The following F13A1 variants were observed in gnomAD, a reference collection of about 807,000 sequenced individuals.
F13A1 encodes coagulation factor XIII A chain, also known as FSF, A subunit.
A neutral mutation model predicts 80.1 loss-of-function variants in F13A1; 47 were observed. The ratio of observed to expected loss-of-function variants is 0.59; its 90% CI spans 0.46 to 0.75. F13A1 has a LOEUF of 0.75. Among genes scored for constraint, F13A1 ranks in the 30% least tolerant of loss-of-function variants. F13A1 has a pLI of 0.00. For synonymous variants in F13A1, 349 were observed against 344.9 expected (o/e 1.01, Z -0.13); for missense variants, 817 against 930.4 (o/e 0.88, Z 1.59).
At chr6:6,276,601 A>G (rs1324211673) in intron 3 of F13A1, among the ~76,000 whole-genome samples, 4 of 152,202 alleles carry the variant, frequency 2.6e-5, no homozygotes, top group African/African-American at 9.7e-5. Context: ...CAGGTAACTT[A>G]AGTAACTAGC....
chr6:6,181,448 A>T (rs1481634048), intron 11 of F13A1, among the ~76,000 whole-genome samples: 1 of 152,146 alleles, frequency 6.6e-6, no homozygotes, highest in Non-Finnish European at 1.5e-5. Context: ...ACAAAAACCC[A>T]CCATGACATT....
chr6:6,161,908 A>T (rs1248702711), intron 13 of F13A1, among the ~76,000 whole-genome samples: 1 of 152,140 alleles, frequency 6.6e-6, no homozygotes, highest in Non-Finnish European at 1.5e-5. Context: ...GGATTCAGAC[A>T]TGTGAGCCCA....
At chr6:6,145,901 C>T in intron 14 of F13A1, 129 bp from the exon 15 acceptor site, 2 of 1,233,654 alleles carry the variant, frequency 1.6e-6, no homozygotes, top group South Asian at 1.3e-5. Flanking sequence ...ACTGAAGACT[C>T]TCACTGGCTG....
chr6:6,218,115 C>T (rs1757131379), intron 8 of F13A1, among the ~76,000 whole-genome samples: 1 of 152,194 alleles, frequency 6.6e-6, no homozygotes, highest in African/African-American at 2.4e-5. Flanking sequence ...ACCACACTCT[C>T]TCCAGCAAAA....
intron 8 of F13A1, 105 bp downstream of exon 8, chr6:6,221,928 G>T: frequency 7.6e-7 from 1 of 1,308,798 alleles, no homozygotes; most frequent in Non-Finnish European, 1.1e-6. Flanking sequence ...GCTGTTGAAT[G>T]GTCCTCAAAA....
At chr6:6,191,963 C>G (rs1197735232) in intron 10 of F13A1, among the ~76,000 whole-genome samples, 1 of 152,192 alleles carries the variant, frequency 6.6e-6, no homozygotes, top group East Asian at 1.9e-4. Flanking sequence ...TGAGCGAAGG[C>G]CTCTTTGAAG....
At chr6:6,230,740 G>C (rs974595466) in intron 6 of F13A1, among the ~76,000 whole-genome samples, 1 of 152,126 alleles carries the variant, frequency 6.6e-6, no homozygotes, top group East Asian at 1.9e-4. Context: ...TGGCTGAGAG[G>C]GACCCAGAGA....
rs1761281102 is a variant in F13A1, at chr6:6,195,875, C to G, written c.1227G>C (p.Arg409=). The G allele has an allele frequency of 6.2e-7, 1 of 1,614,108 alleles. No homozygotes were observed. The highest frequency in any genetic ancestry group is 8.5e-7 in the Non-Finnish European group (1 of 1,179,996). ...TGGCTTGAACCGAGGCGGGGCCACA[C>G]CGATACATGCCTGCATTGCACAGAG... ...TPQENSDGMY[R]CGPASVQAIK... The change falls in exon 10 of 15, where the codon CGG becomes CGC. Residue 409 remains arginine, a synonymous_variant. Coordinates refer to ENST00000264870, the MANE Select transcript of F13A1 (RefSeq NM_000129.4).
intron 11 of F13A1, among the ~76,000 whole-genome samples, chr6:6,180,276 C>T (rs1218037900): frequency 6.6e-6 from 1 of 152,264 alleles, no homozygotes; most frequent in Admixed American, 6.5e-5. Context: ...TCTTCCCCAA[C>T]TGCCGATTCT....
At chr6:6,290,298 G>A (rs1265702517) in intron 3 of F13A1, among the ~76,000 whole-genome samples, 1 of 152,116 alleles carries the variant, frequency 6.6e-6, no homozygotes, top group African/African-American at 2.4e-5. Context: ...AGAAAAAATG[G>A]ATATAAAGTT....
At position 6,203,091 on chromosome 6, in the gene F13A1, C is replaced by T. The variant is rs74355516; in HGVS notation, c.1113-5765G>A. 4.3e-4 allele frequency among the ~76,000 whole-genome samples: 66 copies of T among 152,282 alleles called. No individual in the cohort carries two copies. The East Asian group carries it at 0.013, about 29-fold the overall frequency. On this transcript the variant is annotated intron_variant, in intron 8 of 14. Transcript: ENST00000264870. ...GAAGCATGGAAGCAGCCTAACTGTC[C>T]AACATGTGATCAAGTATTTTGAAAC...
At chr6:6,164,115 GA>G (rs529309118) in intron 13 of F13A1, among the ~76,000 whole-genome samples, 2 of 151,154 alleles carry the variant, frequency 1.3e-5, no homozygotes, top group African/African-American at 4.9e-5. Context: ...ATGTTTACAG[GA>G]AAAAAACCAA....
intron 13 of F13A1, among the ~76,000 whole-genome samples, chr6:6,164,010 A>G (rs1395380024): frequency 1.2e-4 from 19 of 152,088 alleles, no homozygotes; most frequent in Admixed American, 1.2e-3. Context: ...AGCTATTCTG[A>G]CTGGTATGAG....
intron 6 of F13A1, among the ~76,000 whole-genome samples, chr6:6,236,376 G>T (rs1312349239): frequency 1.3e-5 from 2 of 151,938 alleles, no homozygotes; most frequent in East Asian, 1.9e-4. Flanking sequence ...TATTATCTAT[G>T]ATTTTAAAAT....
At chr6:6,186,784 G>C (rs1761087865) in intron 10 of F13A1, among the ~76,000 whole-genome samples, 1 of 151,574 alleles carries the variant, frequency 6.6e-6, no homozygotes, top group Non-Finnish European at 1.5e-5. Context: ...GCTTGATGGG[G>C]ATGGCATTGA....
chr6:6,242,362 A>G (rs992877048), intron 6 of F13A1, among the ~76,000 whole-genome samples: 1 of 152,222 alleles, frequency 6.6e-6, no homozygotes, highest in South Asian at 2.1e-4. Context: ...CCCAAAAGGC[A>G]TAGTCAGAGC....
At chr6:6,293,816 AGGG>A (rs1758271984) in intron 3 of F13A1, among the ~76,000 whole-genome samples, 1 of 64,212 alleles carries the variant, frequency 1.6e-5, no homozygotes. Flanking sequence ...GGAGGGAGGG[AGGG>A]AGGGAGAGAA....
At chr6:6,308,264 T>A (rs1758541075) in intron 2 of F13A1, among the ~76,000 whole-genome samples, 1 of 152,182 alleles carries the variant, frequency 6.6e-6, no homozygotes, top group Admixed American at 6.5e-5. Flanking sequence ...CCTCAGGTGA[T>A]CCGCCGGCTT....
chr6:6,315,658 G>C (rs1781791), intron 2 of F13A1, among the ~76,000 whole-genome samples: 80,795 of 151,780 alleles, frequency 0.53, 22,751 homozygotes, highest in East Asian at 0.85. Flanking sequence ...AAATGAAAAA[G>C]CCGCCATTTC....
Sources: allele counts gnomAD v4.1 joint callset (sites outside exome capture counted in the v4.1 genomes callset), GRCh38; gene constraint gnomAD v4.1.1; transcripts MANE v1.5; gene names NCBI Gene and HGNC (gene_info 2026-07-23, HGNC 2026-07-21).